KATNAL2: variants seen among roughly 807,000 people sequenced by gnomAD.
KATNAL2 encodes katanin p60 ATPase-containing subunit A-like 2.
KATNAL2 carries 52 observed loss-of-function variants against 76.3 expected under a neutral mutation model. That is an observed-to-expected ratio of 0.68 (90% CI 0.55 to 0.86). The LOEUF (loss-of-function observed/expected upper bound fraction) is 0.86. KATNAL2 is among the 40% of genes least tolerant of loss of function. The pLI is 0.00. For synonymous variants in KATNAL2, 243 were observed against 244.2 expected (o/e 1.00, Z 0.05); for missense variants, 660 against 668.9 (o/e 0.99, Z 0.15).
In KATNAL2 at chr18:47,033,352, T is replaced by C. The variant is rs781087086; in HGVS notation, c.52-13105T>C. The C allele has an allele frequency of 5.6e-6, 9 of 1,613,996 alleles. No individual in the cohort carries two copies. The South Asian group carries it at 9.9e-5, about 18-fold the overall frequency. ...AGATTTGAAACAGATCATCTTTGCC[T>C]CTCTGCCGTTGGGGTTGTTTCCACG... On this transcript the variant is annotated intron_variant, in intron 3 of 17. Transcript: ENST00000683218.
At chr18:47,036,007 T>C (rs2060758864) in intron 3 of KATNAL2, among the ~76,000 whole-genome samples, 1 of 152,228 alleles carries the variant, frequency 6.6e-6, no homozygotes, top group Non-Finnish European at 1.5e-5. Context: ...ATCTGCTCCA[T>C]CAATTTCGAG....
At chr18:47,028,564 GC>G in intron 3 of KATNAL2, 1 of 488,714 alleles carries the variant, frequency 2.0e-6, no homozygotes, top group African/African-American at 3.5e-5. Flanking sequence ...ACTACTCGCA[GC>G]CGCTGCTCTC....
intron 1 of KATNAL2, chr18:46,920,103 T>C: frequency 2.3e-6 from 3 of 1,289,418 alleles, no homozygotes; most frequent in Non-Finnish European, 3.0e-6. Context: ...ATTCTGCCCC[T>C]TCCTCAATGT....
At chr18:47,033,902 G>A (rs746303515) in intron 3 of KATNAL2, 10 of 1,613,256 alleles carry the variant, frequency 6.2e-6, no homozygotes, top group Non-Finnish European at 8.5e-6. Flanking sequence ...ACATGGCTGG[G>A]CACCGTTTTC....
chr18:47,045,746 A>T (rs1569074463), intron 3 of KATNAL2, among the ~76,000 whole-genome samples: 1 of 152,242 alleles, frequency 6.6e-6, no homozygotes, highest in Non-Finnish European at 1.5e-5. Flanking sequence ...CTACTTAGAT[A>T]AAGATAGATA....
Position 47,083,243 on chromosome 18 carries a change from A to AT in KATNAL2, c.1211+5788dup, listed in dbSNP as rs1417310418. ...ATGTCCTTCTATGAGAAAATAGTGT[A>AT]TTTTTTAGCAAGAATGTGGGAACAG... On this transcript the variant is annotated intron_variant, in intron 15 of 17. Coordinates refer to ENST00000683218, the MANE Select transcript of KATNAL2 (RefSeq NM_001387690.1). Among the ~76,000 whole-genome samples the AT allele has an allele frequency of 3.3e-5, 5 of 152,170 alleles. No individual in the cohort carries two copies. In the East Asian group the frequency reaches 9.6e-4, roughly 29 times the overall value.
chr18:47,031,961 G>A (rs962504758), intron 3 of KATNAL2, among the ~76,000 whole-genome samples: 29 of 152,162 alleles, frequency 1.9e-4, no homozygotes, highest in African/African-American at 7.0e-4. Context: ...CAAATGCCCT[G>A]CTTTATAATG....
chr18:47,047,342 A>C (rs1003543176), intron 4 of KATNAL2, among the ~76,000 whole-genome samples: 1 of 152,244 alleles, frequency 6.6e-6, no homozygotes, highest in Non-Finnish European at 1.5e-5. Context: ...ATTTGAAGAT[A>C]GCACAGAAAT....
intron 3 of KATNAL2, among the ~76,000 whole-genome samples, chr18:46,948,746 A>G (rs1452617090): frequency 2.6e-5 from 4 of 152,022 alleles, no homozygotes; most frequent in South Asian, 2.1e-4. Context: ...AATACTATCT[A>G]TATACCAAAA....
chr18:47,099,172 C>G (rs1304018432), intron 15 of KATNAL2, 71 bp from the exon 16 acceptor site: 4 of 1,478,394 alleles, frequency 2.7e-6, no homozygotes, highest in Non-Finnish European at 3.7e-6. Flanking sequence ...CTAAATTGTT[C>G]TTAAAGTACA....
At chr18:46,932,055 T>C in intron 1 of KATNAL2, among the ~76,000 whole-genome samples, 2 of 151,732 alleles carry the variant, frequency 1.3e-5, no homozygotes, top group East Asian at 3.9e-4. Flanking sequence ...GGATTACAGG[T>C]GCGTGCTACC....
chr18:47,035,447 G>A (rs555215537), intron 3 of KATNAL2: 4 of 1,331,990 alleles, frequency 3.0e-6, no homozygotes, highest in East Asian at 2.5e-5. Flanking sequence ...GGTCTGGAAC[G>A]GCCGTCCTTG....
Position 47,078,557 on chromosome 18 carries a change from T to A in KATNAL2, c.1211+1096T>A, listed in dbSNP as rs775349713. On this transcript the variant is annotated intron_variant, in intron 15 of 17. Coordinates refer to ENST00000683218, the MANE Select transcript of KATNAL2 (RefSeq NM_001387690.1). ...TGTGGAAACTTTTAGGGAAGGAATC[T>A]TCTTTCCTTCAAAGGTTTAAAACAA... 1.3e-5 allele frequency among the ~76,000 whole-genome samples: 2 copies of A among 152,164 alleles called. 1 individual carries two copies. Among genetic ancestry groups the A allele is most frequent in the Non-Finnish European group, 2.9e-5 (2 of 68,042 alleles).
At chr18:47,062,276 T>C (rs2147149446) in intron 8 of KATNAL2, among the ~76,000 whole-genome samples, 1 of 152,070 alleles carries the variant, frequency 6.6e-6, no homozygotes, top group East Asian at 1.9e-4. Context: ...CCCAGCTCTT[T>C]GGGAGGCTGA....
intron 3 of KATNAL2, among the ~76,000 whole-genome samples, chr18:46,960,855 C>A (rs554944550): frequency 2.0e-5 from 3 of 152,166 alleles, no homozygotes; most frequent in Non-Finnish European, 4.4e-5. Flanking sequence ...GGACGAGACG[C>A]GGACAAAACC....
At position 47,080,712 on chromosome 18, in the gene KATNAL2, T is replaced by G. The variant is rs577082807; in HGVS notation, c.1211+3251T>G. Among the ~76,000 whole-genome samples the G allele has an allele frequency of 2.6e-5, 4 of 152,350 alleles. No homozygotes were observed. In the East Asian group the frequency reaches 7.7e-4, roughly 29 times the overall value. On this transcript the variant is annotated intron_variant, in intron 15 of 17. Transcript: ENST00000683218. ...TCCACAACCTCGCTAACGCTTGTTA[T>G]TATATGTCTCTTTTATTGTAGCCAT...
chr18:47,039,546 A>T (rs1226307540), intron 3 of KATNAL2, among the ~76,000 whole-genome samples: 1 of 152,040 alleles, frequency 6.6e-6, no homozygotes, highest in African/African-American at 2.4e-5. Context: ...TCCTCTGGGT[A>T]TATGCATGTC....
intron 1 of KATNAL2, among the ~76,000 whole-genome samples, chr18:46,937,442 T>G (rs910762541): frequency 1.3e-5 from 2 of 152,128 alleles, no homozygotes; most frequent in Non-Finnish European, 2.9e-5. Flanking sequence ...TGTTATATGG[T>G]ATCCTGGCTG....
chr18:47,042,453 A>G (rs1046738958), intron 3 of KATNAL2, among the ~76,000 whole-genome samples: 6 of 152,232 alleles, frequency 3.9e-5, no homozygotes, highest in Admixed American at 1.3e-4. Context: ...ATGTTTATAA[A>G]ATAGGTTACT....
Sources: gnomAD v4.1 joint callset for allele counts (sites outside exome capture counted in the v4.1 genomes callset) on GRCh38, gnomAD v4.1.1 for gene constraint, MANE v1.5 for transcripts, NCBI Gene and HGNC (gene_info 2026-07-23, HGNC 2026-07-21) for gene names.